Variants in SNRPE observed in about 807,000 individuals in gnomAD.
SNRPE encodes small nuclear ribonucleoprotein E.
For synonymous variants in SNRPE, 35 were observed against 36.7 expected (o/e 0.95, Z 0.17); for missense variants, 53 against 111.6 (o/e 0.48, Z 2.36).
At chr1:203,866,577 C>T (rs1028626064) in intron 4 of SNRPE, among the ~76,000 whole-genome samples, 1 of 152,158 alleles carries the variant, frequency 6.6e-6, no homozygotes, top group Non-Finnish European at 1.5e-5. Flanking sequence ...CTGTTTAGAG[C>T]TATTGTATTA....
At chr1:203,865,606 C>G (rs932328994) in intron 4 of SNRPE, among the ~76,000 whole-genome samples, 1 of 152,176 alleles carries the variant, frequency 6.6e-6, no homozygotes, top group Non-Finnish European at 1.5e-5. Context: ...AAGTTCAGTT[C>G]AGTTCTAACA....
chr1:203,869,738 T>G lies in SNRPE; in HGVS notation c.224-139T>G, dbSNP rs956791776. The G allele has an allele frequency of 8.1e-6, 5 of 620,590 alleles. No individual in the cohort carries two copies. In the Admixed American group the frequency reaches 1.5e-4, roughly 19 times the overall value. 38.4% of individuals were successfully genotyped at this position (620,590 alleles called of 1,614,324 possible). A position where few individuals can be genotyped will look rare whatever the true frequency, so the allele number is the denominator to read the frequency against. The stretch of plus-strand genomic sequence containing the variant: ...AATGGAGCCAGAAAGCCTTTCACTA[T>G]ATGGACACTTGAAAATGTTCACATA... On this transcript the variant is annotated intron_variant, in intron 4 of 4. Coordinates refer to ENST00000414487, the MANE Select transcript of SNRPE (RefSeq NM_003094.4).
At chr1:203,863,760 C>A (rs759018954) in intron 3 of SNRPE, 35 bp downstream of exon 3, 32 of 1,402,416 alleles carry the variant, frequency 2.3e-5, no homozygotes, top group Middle Eastern at 1.8e-4. Flanking sequence ...CATAGCAGTT[C>A]GGTCGTAGAA....
chr1:203,863,158 A>G (rs1394727425), intron 2 of SNRPE, among the ~76,000 whole-genome samples: 1 of 124,480 alleles, frequency 8.0e-6, no homozygotes, highest in East Asian at 2.6e-4. Flanking sequence ...CGTTTGACCA[A>G]AATGGTTAGG....
intron 4 of SNRPE, among the ~76,000 whole-genome samples, chr1:203,868,200 C>T (rs527565947): frequency 1.3e-5 from 2 of 152,082 alleles, no homozygotes; most frequent in South Asian, 2.1e-4. Context: ...GGACTACAGG[C>T]GTGTACCACC....
At chr1:203,868,420 T>C (rs980657681) in intron 4 of SNRPE, among the ~76,000 whole-genome samples, 2 of 152,236 alleles carry the variant, frequency 1.3e-5, no homozygotes, top group African/African-American at 4.8e-5. Context: ...CAAGACACAC[T>C]GAATCATTTC....
chr1:203,864,639 G>A (rs1456814284), intron 3 of SNRPE, among the ~76,000 whole-genome samples: 1 of 152,114 alleles, frequency 6.6e-6, no homozygotes, highest in Non-Finnish European at 1.5e-5. Flanking sequence ...CACTTAGGGA[G>A]GCCGAGCATG....
chr1:203,862,303 G>GC, intron 2 of SNRPE, 81 bp downstream of exon 2: 1 of 978,934 alleles, frequency 1.0e-6, no homozygotes, highest in Non-Finnish European at 1.7e-6. Flanking sequence ...CTGAGCGATC[G>GC]CTGTGTTCTA....
chr1:203,865,227 T>G, intron 4 of SNRPE, 108 bp downstream of exon 4: 1 of 1,031,750 alleles, frequency 9.7e-7, no homozygotes, highest in Non-Finnish European at 1.4e-6. Context: ...ATTTGAGAAG[T>G]TATTATTCAG....
chr1:203,863,015 A>G lies in SNRPE; in HGVS notation c.82-648A>G, dbSNP rs532130027. ...AAAATTATTAGCTTATACAGTTCCA[A>G]TATAGAACTTATTAAATGAAAATTC... On this transcript the variant is annotated intron_variant, in intron 2 of 4. Coordinates refer to ENST00000414487, the MANE Select transcript of SNRPE (RefSeq NM_003094.4). Among the ~76,000 whole-genome samples, 3 of 152,310 alleles carry G rather than the reference A, an allele frequency of 2.0e-5. 1 individual carries two copies. In the South Asian group the frequency reaches 6.2e-4, roughly 32 times the overall value.
intron 4 of SNRPE, among the ~76,000 whole-genome samples, chr1:203,869,289 CTTTTTTTTTTTTTTTTTTTTTTTTTT>C (rs564988259): frequency 3.0e-5 from 2 of 66,792 alleles, no homozygotes; most frequent in Middle Eastern, 0.012. Context: ...AGGATGGAGT[CTTTTTTTTTTTTTTTTTTTTTTTTTT>C]TTTTTTTTGG....
At chr1:203,869,820 G>A in intron 4 of SNRPE, 57 bp from the exon 5 acceptor site, 1 of 1,210,304 alleles carries the variant, frequency 8.3e-7, no homozygotes, top group Non-Finnish European at 1.2e-6. Flanking sequence ...AAAATTCTGA[G>A]AGTAAAACAT....
intron 2 of SNRPE, among the ~76,000 whole-genome samples, chr1:203,863,442 C>T (rs183940488): frequency 6.6e-6 from 1 of 152,186 alleles, no homozygotes; most frequent in African/African-American, 2.4e-5. Flanking sequence ...TTCAGCGTCC[C>T]GAGTAGCTGG....
intron 4 of SNRPE, among the ~76,000 whole-genome samples, chr1:203,867,628 A>G (rs972908830): frequency 2.6e-5 from 4 of 152,046 alleles, no homozygotes; most frequent in Non-Finnish European, 5.9e-5. Context: ...TTGCGCTCCT[A>G]TGAGAATCTA....
At chr1:203,864,171 C>T (rs541562805) in intron 3 of SNRPE, among the ~76,000 whole-genome samples, 1 of 152,174 alleles carries the variant, frequency 6.6e-6, no homozygotes, top group East Asian at 1.9e-4. Context: ...CCAGGCTGGT[C>T]TCAAACTCCT....
At chr1:203,864,770 G>C (rs186331653) in intron 3 of SNRPE, among the ~76,000 whole-genome samples, 9 of 151,928 alleles carry the variant, frequency 5.9e-5, no homozygotes, top group Middle Eastern at 3.4e-3. Flanking sequence ...CAGCTACTTG[G>C]GGGGAGCTGA....
At chr1:203,864,453 T>C (rs892243947) in intron 3 of SNRPE, among the ~76,000 whole-genome samples, 4 of 151,002 alleles carry the variant, frequency 2.6e-5, no homozygotes, top group Non-Finnish European at 5.9e-5. Flanking sequence ...TTTTTTTAAG[T>C]TGGGGTCCGG....
In SNRPE at chr1:203,862,190, G is replaced by A. The variant is rs766756160; in HGVS notation, c.55-6G>A. 17 of 1,609,872 alleles carry A rather than the reference G, an allele frequency of 1.1e-5. No homozygotes were observed. The South Asian group carries it at 1.9e-4, about 18-fold the overall frequency. ...TTGTATTTTTTCCTTAGCCACTGTG[G>A]TGCAGAACCTCATCTTCAGATACTT... On this transcript the variant is annotated splice_polypyrimidine_tract_variant and splice_region_variant and intron_variant, in intron 1 of 4. Coordinates refer to ENST00000414487, the MANE Select transcript of SNRPE (RefSeq NM_003094.4).
chr1:203,864,732 C>A (rs1690050339), intron 3 of SNRPE, among the ~76,000 whole-genome samples: 1 of 151,944 alleles, frequency 6.6e-6, no homozygotes, highest in South Asian at 2.1e-4. Context: ...CAAAAAGTAG[C>A]CAGGCATGGT....
Sources: gnomAD v4.1 joint callset for allele counts (sites outside exome capture counted in the v4.1 genomes callset) on GRCh38, gnomAD v4.1.1 for gene constraint, MANE v1.5 for transcripts, NCBI Gene and HGNC (gene_info 2026-07-23, HGNC 2026-07-21) for gene names.